Variants in RAB10 observed in about 807,000 individuals in gnomAD.
The protein encoded by RAB10 is RAB10, member RAS oncogene family, also known as ras-related protein Rab-10.
A neutral mutation model predicts 25.7 loss-of-function variants in RAB10; 5 were observed. The ratio of observed to expected loss-of-function variants is 0.19; its 90% CI spans 0.10 to 0.41. The LOEUF is 0.41. Among genes scored for constraint, RAB10 ranks in the 10% least tolerant of loss-of-function variants. The probability of loss-of-function intolerance (pLI) is 1.00; values close to 1 mark genes in which losing one functional copy is unlikely to be tolerated. For synonymous variants in RAB10, 89 were observed against 86.4 expected (o/e 1.03, Z -0.16); for missense variants, 103 against 245.8 (o/e 0.42, Z 3.89).
chr2:26,077,254 T>TTTGTAATTAATTTGTAATTGTAAA (rs1313632429), intron 1 of RAB10, among the ~76,000 whole-genome samples: 9 of 152,244 alleles, frequency 5.9e-5, no homozygotes, highest in Non-Finnish European at 1.3e-4. Context: ...CAAATATAGA[T>TTTGTAATTAATTTGTAATTGTAAA]ATTAAAGGAA....
chr2:26,042,204 G>C (rs951436851), intron 1 of RAB10, among the ~76,000 whole-genome samples: 2 of 152,192 alleles, frequency 1.3e-5, no homozygotes, highest in African/African-American at 4.8e-5. Flanking sequence ...GGGAATTGGA[G>C]TCTCTCGGCT....
chr2:26,083,968 T>A (rs2149274724), intron 1 of RAB10, among the ~76,000 whole-genome samples: 1 of 152,306 alleles, frequency 6.6e-6, no homozygotes, highest in African/African-American at 2.4e-5. Context: ...CTACAAAATA[T>A]CGCTGAGAGA....
At chr2:26,060,294 T>G (rs1666368264) in intron 1 of RAB10, among the ~76,000 whole-genome samples, 1 of 152,074 alleles carries the variant, frequency 6.6e-6, no homozygotes, top group South Asian at 2.1e-4. Context: ...TTTTGTTTGT[T>G]TGTTTGTTTG....
intron 3 of RAB10, among the ~76,000 whole-genome samples, chr2:26,112,277 C>T (rs1667589754): frequency 6.6e-6 from 1 of 152,096 alleles, no homozygotes; most frequent in Admixed American, 6.5e-5. Context: ...TGTCTCCCTT[C>T]CCCTCCTAGG....
chr2:26,037,641 A>G (rs76461390), intron 1 of RAB10, among the ~76,000 whole-genome samples: 1 of 146,392 alleles, frequency 6.8e-6, no homozygotes, highest in Non-Finnish European at 1.5e-5. Flanking sequence ...CTCTGTCTCA[A>G]AAAAAAAAAA....
intron 5 of RAB10, 105 bp downstream of exon 5, chr2:26,128,056 T>A: frequency 9.7e-7 from 1 of 1,034,876 alleles, no homozygotes; most frequent in Non-Finnish European, 1.5e-6. Flanking sequence ...GTTTGGGTGG[T>A]ATTGTTTCTG....
rs1051575964 is a variant in RAB10 at position 26,135,949 on chromosome 2, C to T, written c.*928C>T. The stretch of plus-strand genomic sequence containing the variant: ...GTTCTAACTGCCTACTATCCAATGT[C>T]AGTTAATTGGTGTCTTCCCCCCTCA... On this transcript the variant is annotated 3_prime_UTR_variant, in exon 6 of 6. Transcript: ENST00000264710. 1.3e-5 allele frequency: 2 copies of T among 152,606 alleles called. No individual in the cohort carries two copies. The highest frequency in any genetic ancestry group is 4.8e-5 in the African/African-American group (2 of 41,470). 9.5% of individuals were successfully genotyped at this position (152,606 alleles called of 1,614,324 possible). A position where few individuals can be genotyped will look rare whatever the true frequency, so the allele number is the denominator to read the frequency against.
In RAB10 at chr2:26,034,647, C is replaced by T. The variant is rs766666175; in HGVS notation, c.39C>T (p.Leu13=). 21 of 1,614,068 alleles carry T rather than the reference C, an allele frequency of 1.3e-5. No homozygotes were observed. In the South Asian group the frequency reaches 1.8e-4, roughly 14 times the overall value. The part of the protein sequence containing the change: ...KKTYDLLFKL[L]LIGDSGVGKT... ...CGTACGACCTGCTTTTCAAGCTGCT[C>T]CTGATCGGGGATTCCGGAGTGGGGA... Residue 13 remains leucine (L), a synonymous_variant, in exon 1 of 6, where the codon CTC becomes CTT. Transcript: ENST00000264710.
intron 2 of RAB10, among the ~76,000 whole-genome samples, chr2:26,099,669 T>C (rs770048922): frequency 2.0e-5 from 3 of 151,342 alleles, no homozygotes; most frequent in Non-Finnish European, 4.4e-5. Flanking sequence ...GCCTCCCAAG[T>C]AGCTGGGACT....
Position 26,098,584 on chromosome 2 carries a change from G to A in RAB10, c.128-78G>A, listed in dbSNP as rs1484605129. ...ACACAGACAAGTTTAAAAGGTGTGA[G>A]CGTTTTTACTGTGATTAATTTTAGT... On this transcript the variant is annotated intron_variant, in intron 1 of 5. Transcript: ENST00000264710. The A allele has an allele frequency of 1.2e-5, 12 of 1,036,568 alleles. No homozygotes were observed. The Admixed American group carries it at 2.8e-4, about 24-fold the overall frequency. The allele number at this position is 1,036,568 out of a possible 1,614,324, so 64.2% of individuals were successfully genotyped here. A position where few individuals can be genotyped will look rare whatever the true frequency, so the allele number is the denominator to read the frequency against.
intron 1 of RAB10, among the ~76,000 whole-genome samples, chr2:26,046,466 A>G (rs748425096): frequency 1.3e-5 from 2 of 152,242 alleles, no homozygotes; most frequent in Non-Finnish European, 2.9e-5. Context: ...GGTTGCAAGC[A>G]TAAGTGATTG....
intron 2 of RAB10, among the ~76,000 whole-genome samples, chr2:26,105,316 A>G (rs932751233): frequency 6.6e-6 from 1 of 152,204 alleles, no homozygotes; most frequent in Non-Finnish European, 1.5e-5. Context: ...TGAAGACCAG[A>G]AACTTATCCA....
At chr2:26,085,737 C>G (rs1023232859) in intron 1 of RAB10, among the ~76,000 whole-genome samples, 6 of 151,992 alleles carry the variant, frequency 3.9e-5, no homozygotes, top group Admixed American at 1.3e-4. Context: ...TGGCTCACAC[C>G]TGTAACCCCA....
chr2:26,038,500 C>G (rs184210803), intron 1 of RAB10, among the ~76,000 whole-genome samples: 8 of 152,142 alleles, frequency 5.3e-5, no homozygotes, highest in African/African-American at 9.6e-5. Flanking sequence ...CCAGCCTAGA[C>G]TCTGACATTT....
At position 26,103,261 on chromosome 2, in the gene RAB10, A is replaced by G. The variant is rs941794818; in HGVS notation, c.188+4539A>G. ...TTCGGATTGATGGATAAATGAATAG[A>G]TGGCAGATATGTGAACATGCTAAGT... On this transcript the variant is annotated intron_variant, in intron 2 of 5. Coordinates refer to ENST00000264710, the MANE Select transcript of RAB10 (RefSeq NM_016131.5). 3.3e-5 allele frequency among the ~76,000 whole-genome samples: 5 copies of G among 152,226 alleles called. No individual in the cohort carries two copies. In the South Asian group the frequency reaches 8.3e-4, roughly 25 times the overall value.
chr2:26,053,626 G>T (rs953924916), intron 1 of RAB10, among the ~76,000 whole-genome samples: 3 of 152,132 alleles, frequency 2.0e-5, no homozygotes, highest in African/African-American at 7.2e-5. Flanking sequence ...TACAAAGTGG[G>T]AGTATTGTTC....
intron 3 of RAB10, among the ~76,000 whole-genome samples, chr2:26,114,737 CAAA>C: frequency 3.0e-5 from 2 of 66,062 alleles, no homozygotes; most frequent in African/African-American, 1.1e-4. Flanking sequence ...CAAAAATATA[CAAA>C]AAAAAAAAAA....
intron 1 of RAB10, among the ~76,000 whole-genome samples, chr2:26,065,281 C>T (rs927902284): frequency 6.6e-6 from 1 of 151,608 alleles, no homozygotes; most frequent in African/African-American, 2.4e-5. Context: ...TTTCATGTGC[C>T]TTTATTAGCT....
intron 1 of RAB10, among the ~76,000 whole-genome samples, chr2:26,059,711 G>GT (rs1666356224): frequency 1.3e-5 from 2 of 152,138 alleles, no homozygotes; most frequent in African/African-American, 4.8e-5. Context: ...ATAGCCAAGA[G>GT]GTGGAGACAA....
Sources: allele counts gnomAD v4.1 joint callset (sites outside exome capture counted in the v4.1 genomes callset), GRCh38; gene constraint gnomAD v4.1.1; transcripts MANE v1.5; gene names NCBI Gene and HGNC (gene_info 2026-07-23, HGNC 2026-07-21).